RTF1: variants seen among roughly 807,000 people sequenced by gnomAD.
The protein encoded by RTF1 is RNA polymerase-associated protein RTF1 homolog.
Under a neutral mutation model 95.7 loss-of-function variants are expected in RTF1, and 10 were observed. The ratio of observed to expected loss-of-function variants is 0.10; its 90% CI spans 0.06 to 0.18. The LOEUF (loss-of-function observed/expected upper bound fraction) is 0.18. RTF1 is among the 10% of genes least tolerant of loss of function. The pLI is 1.00. For missense variants in RTF1, 458 were observed against 875.6 expected (o/e 0.52, Z 6.02); for synonymous variants, 305 against 311.8 (o/e 0.98, Z 0.23).
At chr15:41,478,966 C>CTTT in intron 15 of RTF1, 137 bp from the exon 16 acceptor site, 1 of 403,006 alleles carries the variant, frequency 2.5e-6, no homozygotes, top group South Asian at 4.3e-5. Context: ...TTTTTTGCTG[C>CTTT]TTTGAGGAAA....
intron 2 of RTF1, among the ~76,000 whole-genome samples, chr15:41,443,803 C>T (rs1350043522): frequency 6.6e-6 from 1 of 151,990 alleles, no homozygotes; most frequent in African/African-American, 2.4e-5. Flanking sequence ...TGCAGTGGCT[C>T]ACGCCTGTAA....
At chr15:41,480,357 G>A in intron 17 of RTF1, 32 bp downstream of exon 17, 2 of 1,433,534 alleles carry the variant, frequency 1.4e-6, no homozygotes, top group Non-Finnish European at 2.0e-6. Context: ...GGTGAGGGCT[G>A]AGAACCAGAT....
At chr15:41,478,902 G>A in intron 15 of RTF1, 1 of 605,026 alleles carries the variant, frequency 1.7e-6, no homozygotes, top group South Asian at 2.0e-5. Flanking sequence ...CCTTAGCTAG[G>A]GCCTGGCTGG....
chr15:41,456,168 C>T (rs2050814400), intron 3 of RTF1, among the ~76,000 whole-genome samples: 2 of 138,726 alleles, frequency 1.4e-5, no homozygotes, highest in South Asian at 2.3e-4. Flanking sequence ...TCAGCCTAGG[C>T]AACAAAAGTG....
chr15:41,445,843 C>T (rs1301664896), intron 2 of RTF1, among the ~76,000 whole-genome samples: 1 of 150,500 alleles, frequency 6.6e-6, no homozygotes, highest in Non-Finnish European at 1.5e-5. Context: ...TCAGGCAATT[C>T]TTGTACTTCA....
At chr15:41,462,230 A>G (rs1214737942) in intron 4 of RTF1, among the ~76,000 whole-genome samples, 2 of 152,142 alleles carry the variant, frequency 1.3e-5, no homozygotes, top group Admixed American at 6.6e-5. Flanking sequence ...AGCTCTTTAT[A>G]TGGATTGCAT....
intron 4 of RTF1, among the ~76,000 whole-genome samples, chr15:41,460,305 TAG>T (rs1418901821): frequency 6.6e-6 from 1 of 151,984 alleles, no homozygotes; most frequent in Non-Finnish European, 1.5e-5. Context: ...GTATTTTTAG[TAG>T]AGACAGGGTT....
At chr15:41,422,869 G>A (rs981897964) in intron 1 of RTF1, among the ~76,000 whole-genome samples, 1 of 152,028 alleles carries the variant, frequency 6.6e-6, no homozygotes, top group Admixed American at 6.6e-5. Flanking sequence ...CCGCCTCCCG[G>A]GTTCAAACAA....
intron 4 of RTF1, among the ~76,000 whole-genome samples, chr15:41,458,563 A>G (rs1595435122): frequency 6.6e-6 from 1 of 152,056 alleles, no homozygotes; most frequent in East Asian, 1.9e-4. Flanking sequence ...CCTGGCCAAC[A>G]TGGTGAAAAC....
At chr15:41,461,486 A>C (rs958331886) in intron 4 of RTF1, among the ~76,000 whole-genome samples, 5 of 147,770 alleles carry the variant, frequency 3.4e-5, no homozygotes, top group African/African-American at 1.2e-4. Flanking sequence ...CGGCCTGGCT[A>C]ATTTTTCTTT....
chr15:41,468,738 T>A (rs1320180459), intron 6 of RTF1, among the ~76,000 whole-genome samples: 1 of 152,080 alleles, frequency 6.6e-6, no homozygotes, highest in Non-Finnish European at 1.5e-5. Context: ...ATGAGATAGT[T>A]CCTGGCAAGG....
Position 41,419,207 on chromosome 15 carries a change from A to G in RTF1, c.198+1894A>G, listed in dbSNP as rs578216333. Among the ~76,000 whole-genome samples the G allele has an allele frequency of 2.6e-5, 4 of 152,252 alleles. No homozygotes were observed. In the South Asian group the frequency reaches 8.3e-4, roughly 32 times the overall value. On this transcript the variant is annotated intron_variant, in intron 1 of 17. Transcript: ENST00000389629. ...CTGGCAATTAGAAGGAGTAGAATCTATTTTTTTCTGTCTTTTCATCTACAA... is the reference window on the plus strand; with the variant it reads ...CTGGCAATTAGAAGGAGTAGAATCTGTTTTTTTCTGTCTTTTCATCTACAA...
In RTF1 at chr15:41,475,459, G is replaced by A. The variant is rs111882301; in HGVS notation, c.1287-66G>A. On this transcript the variant is annotated intron_variant, in intron 9 of 17. Coordinates refer to ENST00000389629, the MANE Select transcript of RTF1 (RefSeq NM_015138.5). The stretch of plus-strand genomic sequence containing the variant: ...ATATAGGTGGTACATAGTCTGGTAA[G>A]GTTGCTTTGCTTGTACTACAGTCAA... The A allele has an allele frequency of 1.6e-4, 200 of 1,260,206 alleles. 1 individual carries two copies. In the African/African-American group the frequency reaches 2.0e-3, roughly 13 times the overall value. 78.1% of individuals were successfully genotyped at this position (1,260,206 alleles called of 1,614,324 possible).
intron 3 of RTF1, among the ~76,000 whole-genome samples, chr15:41,456,488 C>CAAA (rs554155784): frequency 8.8e-6 from 1 of 113,662 alleles, no homozygotes; most frequent in African/African-American, 3.4e-5. Context: ...GACTCTGTCT[C>CAAA]AAAAAAAAAA....
At chr15:41,460,745 G>T (rs566973784) in intron 4 of RTF1, among the ~76,000 whole-genome samples, 1 of 151,836 alleles carries the variant, frequency 6.6e-6, no homozygotes, top group Non-Finnish European at 1.5e-5. Context: ...CCAGGCAGGA[G>T]TGCAGTGGTG....
At chr15:41,421,552 G>A (rs914988992) in intron 1 of RTF1, among the ~76,000 whole-genome samples, 6 of 151,270 alleles carry the variant, frequency 4.0e-5, no homozygotes, top group Non-Finnish European at 2.9e-5. Context: ...GATTGCTTGA[G>A]CCTGGGAGGT....
At chr15:41,456,887 C>T (rs1468466513) in intron 3 of RTF1, among the ~76,000 whole-genome samples, 2 of 151,874 alleles carry the variant, frequency 1.3e-5, no homozygotes, top group Non-Finnish European at 1.5e-5. Context: ...AGATCGAGAC[C>T]ATCCTGGCCA....
chr15:41,417,406 C>G, intron 1 of RTF1, 93 bp downstream of exon 1: 1 of 1,083,168 alleles, frequency 9.2e-7, no homozygotes, highest in Non-Finnish European at 1.2e-6. Context: ...GCCTTCCTAC[C>G]AGAGCGCCCA....
intron 6 of RTF1, among the ~76,000 whole-genome samples, chr15:41,469,668 G>C (rs900318921): frequency 2.6e-5 from 4 of 151,992 alleles, no homozygotes; most frequent in African/African-American, 9.7e-5. Context: ...TGGGATAACA[G>C]GTGCCGGCCA....
Sources: allele counts gnomAD v4.1 joint callset (sites outside exome capture counted in the v4.1 genomes callset), GRCh38; gene constraint gnomAD v4.1.1; transcripts MANE v1.5; gene names NCBI Gene and HGNC (gene_info 2026-07-23, HGNC 2026-07-21).